Variants in CASD1 observed in about 807,000 individuals in gnomAD.
CASD1 encodes CAS1 domain sialic acid O acetyltransferase 1.
Under a neutral mutation model 100.0 loss-of-function variants are expected in CASD1, and 41 were observed. The ratio of observed to expected loss-of-function variants is 0.41; its 90% CI spans 0.32 to 0.53. CASD1 has a LOEUF of 0.53. Ranked by LOEUF, CASD1 falls within the 20% of genes least tolerant of loss-of-function variation. The probability of loss-of-function intolerance (pLI) is 0.25; values close to 1 mark genes in which losing one functional copy is unlikely to be tolerated. For synonymous variants in CASD1, 321 were observed against 315.6 expected (o/e 1.02, Z -0.18); for missense variants, 774 against 948.7 (o/e 0.82, Z 2.42).
chr7:94,510,005 AGCG>A lies in CASD1; in HGVS notation c.-74_-72del. On this transcript the variant is annotated 5_prime_UTR_variant, in exon 1 of 18. Coordinates refer to ENST00000297273, the MANE Select transcript of CASD1 (RefSeq NM_022900.5). ...TGGCGGCCGCTCCTCGCCTGGCTGC[AGCG>A]GCGGCAGCCCCAGTGCTGCCCCTGT... is the stretch of plus-strand genomic sequence containing the variant. The A allele has an allele frequency of 7.7e-7, 1 of 1,300,260 alleles. No homozygotes were observed. Among genetic ancestry groups the A allele is most frequent in the Non-Finnish European group, 9.9e-7 (1 of 1,010,854 alleles). The allele number at this position is 1,300,260 out of a possible 1,614,324, so 80.5% of individuals were successfully genotyped here.
chr7:94,533,904 T>A, intron 7 of CASD1, 102 bp downstream of exon 7: 1 of 1,112,338 alleles, frequency 9.0e-7, no homozygotes, highest in Non-Finnish European at 1.2e-6. Context: ...TTTATGAGAA[T>A]TAATTTTGAA....
chr7:94,609,968 G>A, the CASD1 span, among the ~76,000 whole-genome samples: 439 of 152,316 alleles, frequency 2.9e-3, 6 homozygotes, highest in African/African-American at 1.0e-2. Context: ...ATGTCCTCCA[G>A]TAGGTGAATG....
the CASD1 span, among the ~76,000 whole-genome samples, chr7:94,596,965 A>T: frequency 3.3e-5 from 5 of 152,130 alleles, no homozygotes; most frequent in Non-Finnish European, 5.9e-5. Flanking sequence ...CATAATTTTC[A>T]TCTAAAAAGG....
chr7:94,516,833 T>G (rs1229686898), intron 1 of CASD1, among the ~76,000 whole-genome samples: 1 of 152,122 alleles, frequency 6.6e-6, no homozygotes, highest in Admixed American at 6.5e-5. Context: ...CCAGGTATGC[T>G]GATGCACTGT....
At chr7:94,521,575 T>A (rs1263707793) in intron 3 of CASD1, among the ~76,000 whole-genome samples, 1 of 152,086 alleles carries the variant, frequency 6.6e-6, no homozygotes, top group Non-Finnish European at 1.5e-5. Flanking sequence ...AGAATTGAAT[T>A]AGAATGTATA....
At chr7:94,624,180 C>T in the CASD1 span, 19 of 318,516 alleles carry the variant, frequency 6.0e-5, no homozygotes, top group African/African-American at 3.7e-4. Flanking sequence ...AAAAAAAAAA[C>T]AAATGATTGT....
chr7:94,603,006 T>C, the CASD1 span, among the ~76,000 whole-genome samples: 1 of 152,200 alleles, frequency 6.6e-6, no homozygotes, highest in Non-Finnish European at 1.5e-5. Flanking sequence ...CTATCTGTGC[T>C]CATTAGCAGC....
chr7:94,547,859 A>G (rs1022687013), intron 13 of CASD1, among the ~76,000 whole-genome samples: 3 of 151,736 alleles, frequency 2.0e-5, no homozygotes, highest in African/African-American at 4.8e-5. Context: ...TCTTCAACAC[A>G]CTGTTTTGTA....
At chr7:94,539,118 A>G in intron 10 of CASD1, 62 bp downstream of exon 10, 2 of 937,376 alleles carry the variant, frequency 2.1e-6, no homozygotes, top group Admixed American at 4.1e-5. Context: ...ATGTTTCTTT[A>G]AGGGCACCAG....
At chr7:94,578,985 T>G in the CASD1 span, among the ~76,000 whole-genome samples, 1 of 152,160 alleles carries the variant, frequency 6.6e-6, no homozygotes, top group Non-Finnish European at 1.5e-5. Context: ...ACACTTTTTT[T>G]TAACCTTCAT....
rs575099267 is a variant in CASD1 at position 94,536,958 on chromosome 7, T to A, written c.844-514T>A. On this transcript the variant is annotated intron_variant, in intron 8 of 17. Coordinates refer to ENST00000297273, the MANE Select transcript of CASD1 (RefSeq NM_022900.5). ...ATTACAAATATTGCTAGCTAAAAATTAATAATTTTTTAGTGGCAGTTATTT... is the reference window on the plus strand; with the variant it reads ...ATTACAAATATTGCTAGCTAAAAATAAATAATTTTTTAGTGGCAGTTATTT... Among the ~76,000 whole-genome samples the A allele has an allele frequency of 9.2e-5, 14 of 152,308 alleles. 1 individual carries two copies. In the East Asian group the frequency reaches 2.7e-3, roughly 29 times the overall value.
intron 1 of CASD1, among the ~76,000 whole-genome samples, chr7:94,510,765 C>T (rs535389737): frequency 2.1e-3 from 314 of 152,400 alleles, no homozygotes; most frequent in African/African-American, 7.2e-3. Context: ...CCCCCATTTT[C>T]CTTTGCCAAA....
At chr7:94,611,608 G>A in the CASD1 span, among the ~76,000 whole-genome samples, 1 of 152,088 alleles carries the variant, frequency 6.6e-6, no homozygotes, top group African/African-American at 2.4e-5. Flanking sequence ...TAAAAGTCAC[G>A]ATTTAAAATT....
the CASD1 span, chr7:94,603,598 A>G: frequency 4.2e-6 from 3 of 717,284 alleles, no homozygotes; most frequent in Non-Finnish European, 7.2e-6. Flanking sequence ...TCTAAAAACA[A>G]TGATTCATGT....
At chr7:94,559,052 A>G (rs753582501), downstream of CASD1, among the ~76,000 whole-genome samples, 2 of 152,098 alleles carry the variant, frequency 1.3e-5, no homozygotes, top group Non-Finnish European at 2.9e-5. Context: ...CACCTGCCTC[A>G]GCCTCCCAAA....
At chr7:94,511,086 T>C (rs1425933996) in intron 1 of CASD1, among the ~76,000 whole-genome samples, 1 of 152,220 alleles carries the variant, frequency 6.6e-6, no homozygotes, top group African/African-American at 2.4e-5. Context: ...TCCTTGCTGA[T>C]TGATTGTTTT....
the CASD1 span, chr7:94,585,495 T>C: frequency 1.2e-6 from 2 of 1,606,772 alleles, no homozygotes; most frequent in Non-Finnish European, 1.7e-6. Context: ...TCAGTTTTCT[T>C]TCTTCAGGGA....
chr7:94,512,817 G>A (rs1793781845), intron 1 of CASD1, among the ~76,000 whole-genome samples: 1 of 152,076 alleles, frequency 6.6e-6, no homozygotes, highest in Non-Finnish European at 1.5e-5. Context: ...ATAATCAGTG[G>A]TCTTAGATTC....
the CASD1 span, among the ~76,000 whole-genome samples, chr7:94,609,318 G>A: frequency 6.6e-6 from 1 of 152,240 alleles, no homozygotes; most frequent in Non-Finnish European, 1.5e-5. Context: ...CTTGAGGCCA[G>A]GAGTTTGAGA....
Sources: gnomAD v4.1 joint callset for allele counts (sites outside exome capture counted in the v4.1 genomes callset) on GRCh38, gnomAD v4.1.1 for gene constraint, MANE v1.5 for transcripts, NCBI Gene and HGNC (gene_info 2026-07-23, HGNC 2026-07-21) for gene names.